The following CCDC187 variants were observed in gnomAD, a reference collection of about 807,000 sequenced individuals.
The protein encoded by CCDC187 is coiled-coil domain-containing protein 187.
CCDC187 carries 32 observed loss-of-function variants against 38.0 expected under a neutral mutation model. The ratio of observed to expected loss-of-function variants is 0.84; its 90% CI spans 0.64 to 1.13. CCDC187 has a LOEUF of 1.13. CCDC187 is among the 50% of genes most tolerant of loss of function. The pLI is 0.00. For synonymous variants in CCDC187, 333 were observed against 347.9 expected (o/e 0.96, Z 0.48); for missense variants, 707 against 786.8 (o/e 0.90, Z 1.21).
chr9:136,267,359 G>T (rs1320027747), intron 16 of CCDC187, 25 bp downstream of exon 16: 37 of 984,982 alleles, frequency 3.8e-5, no homozygotes, highest in Non-Finnish European at 4.5e-5. Context: ...GCGGGGCGGG[G>T]CCGGCGCCAG....
rs550595346 is a variant in CCDC187, at chr9:136,255,106, C to T, written c.4722G>A (p.Ala1574=). The part of the protein sequence containing the change: ...PAAPVVPEEA[A]PPILHQGSPL... Reference sequence around the variant, plus strand: ...GACTGCCCTGGTGCAGGATTGGGGGCGCCGCCTCCTCAGGGACCACAGGAG... The same window carrying T: ...GACTGCCCTGGTGCAGGATTGGGGGTGCCGCCTCCTCAGGGACCACAGGAG... Residue 1574 remains alanine (A), a synonymous_variant, in exon 26 of 26, where the codon GCG becomes GCA. Coordinates refer to ENST00000638797, the MANE Select transcript of CCDC187 (RefSeq NM_001378188.1). The T allele has an allele frequency of 4.4e-4, 437 of 985,382 alleles. 1 individual carries two copies. In the African/African-American group the frequency reaches 6.7e-3, roughly 15 times the overall value. 61.0% of individuals were successfully genotyped at this position (985,382 alleles called of 1,614,324 possible).
At chr9:136,284,078 T>C in intron 9 of CCDC187, among the ~76,000 whole-genome samples, 1 of 150,754 alleles carries the variant, frequency 6.6e-6, no homozygotes, top group East Asian at 2.0e-4. Context: ...CTAGGAAGGA[T>C]GGGCAGGGGA....
intron 9 of CCDC187, 117 bp downstream of exon 9, chr9:136,285,396 G>C: frequency 3.1e-6 from 1 of 326,584 alleles, no homozygotes; most frequent in East Asian, 4.5e-5. Flanking sequence ...ACATGGGGGT[G>C]AAGTGAGAGG....
At chr9:136,277,439 G>A (rs1299281509) in intron 10 of CCDC187, among the ~76,000 whole-genome samples, 4 of 99,232 alleles carry the variant, frequency 4.0e-5, no homozygotes, top group Non-Finnish European at 8.8e-5. Flanking sequence ...GGGTGAGTGG[G>A]TGCAGATGGG....
chr9:136,290,840 G>A lies in CCDC187; in HGVS notation c.1773C>T (p.Gly591=), dbSNP rs909296257. 634 of 398,592 alleles carry A rather than the reference G, an allele frequency of 1.6e-3. No homozygotes were observed. The highest frequency in any genetic ancestry group is 3.9e-3 in the Admixed American group (88 of 22,748). The allele number at this position is 398,592 out of a possible 1,614,324, so 24.7% of individuals were successfully genotyped here. Residue 591 remains glycine, a synonymous_variant, in exon 6 of 26, where the codon GGC becomes GGT. Coordinates refer to ENST00000638797, the MANE Select transcript of CCDC187 (RefSeq NM_001378188.1). ...AGPQGKGRGI[G]SPVSAAKHAL... ...CATGCTTGGCAGCCGAGACGGGGGA[G>A]CCGATGCCTCTGCCCTTGCCCTGGG...
At chr9:136,286,947 C>A (rs878987755) in intron 7 of CCDC187, among the ~76,000 whole-genome samples, 3 of 152,088 alleles carry the variant, frequency 2.0e-5, no homozygotes, top group African/African-American at 7.2e-5. Flanking sequence ...GGTGTAAAAC[C>A]GTCCTGCTGT....
intron 4 of CCDC187, among the ~76,000 whole-genome samples, chr9:136,296,892 C>T (rs1831548415): frequency 1.3e-5 from 2 of 152,192 alleles, no homozygotes; most frequent in Non-Finnish European, 2.9e-5. Context: ...GTAATGCAAG[C>T]ACATGGCTGA....
upstream of CCDC187, among the ~76,000 whole-genome samples, chr9:136,306,213 C>G (rs1831802335): frequency 6.6e-6 from 1 of 152,208 alleles, no homozygotes; most frequent in African/African-American, 2.4e-5. Context: ...GCCCTGCAGC[C>G]AGGCCCAGCC....
chr9:136,299,267 G>A (rs1207974104), intron 3 of CCDC187, among the ~76,000 whole-genome samples: 2 of 152,162 alleles, frequency 1.3e-5, no homozygotes, highest in Non-Finnish European at 2.9e-5. Context: ...GCCCACATCT[G>A]CACTGGCTCA....
rs553305730 is a variant in CCDC187 at position 136,253,252 on chromosome 9, C to G, written c.*342G>C. ...CTGCGCTCCTTCCCAGGGCTCTCCC[C>G]GACTGCCCAAGACCTCCTCAAAGGC... On this transcript the variant is annotated 3_prime_UTR_variant, in exon 26 of 26. Transcript: ENST00000638797. 1 of 152,740 alleles carries G rather than the reference C, an allele frequency of 6.5e-6. No homozygotes were observed. Among genetic ancestry groups the G allele is most frequent in the Non-Finnish European group, 1.5e-5 (1 of 68,514 alleles). The allele number at this position is 152,740 out of a possible 1,614,324, so 9.5% of individuals were successfully genotyped here.
At chr9:136,273,407 A>G (rs1554762686) in intron 14 of CCDC187, among the ~76,000 whole-genome samples, 1 of 152,230 alleles carries the variant, frequency 6.6e-6, no homozygotes, top group Non-Finnish European at 1.5e-5. Context: ...GAAGCGAAGG[A>G]TACTGCTGCG....
At position 136,302,907 on chromosome 9, in the gene CCDC187, G is replaced by A. The variant is rs985352497; in HGVS notation, c.530C>T (p.Pro177Leu). The A allele has an allele frequency of 5.5e-5, 22 of 398,580 alleles. No individual in the cohort carries two copies. Among genetic ancestry groups the A allele is most frequent in the Non-Finnish European group, 9.3e-5 (21 of 226,120 alleles). 24.7% of individuals were successfully genotyped at this position (398,580 alleles called of 1,614,324 possible). A position where few individuals can be genotyped will look rare whatever the true frequency, so the allele number is the denominator to read the frequency against. The change falls in exon 2 of 26, where the codon CCC becomes CTC. Residue 177 changes from proline (P) to leucine (L), a missense_variant. Pro to Leu is a moderately conservative substitution (Grantham distance 98). Coordinates refer to ENST00000638797, the MANE Select transcript of CCDC187 (RefSeq NM_001378188.1). Reference sequence around the variant, plus strand: ...TTTGTGGAGTCTGGAGGCGCTGGAGGGGGCTGAGGTGCCCAGGGACGCACA... The same window carrying A: ...TTTGTGGAGTCTGGAGGCGCTGGAGAGGGCTGAGGTGCCCAGGGACGCACA... ...GSCASLGTSAPSSASRLHKAS... is the reference protein window; with the variant it reads ...GSCASLGTSALSSASRLHKAS...
In CCDC187 at chr9:136,291,094, C is replaced by T. The variant is rs1831316608; in HGVS notation, c.1519G>A (p.Ala507Thr). The T allele has an allele frequency of 2.5e-6, 1 of 398,346 alleles. No homozygotes were observed. The highest frequency in any genetic ancestry group is 4.4e-6 in the Non-Finnish European group (1 of 226,030). The allele number at this position is 398,346 out of a possible 1,614,324, so 24.7% of individuals were successfully genotyped here. A position where few individuals can be genotyped will look rare whatever the true frequency, so the allele number is the denominator to read the frequency against. ...QACSPQRAWG[A>T]QRQGPSSQRP... is the part of the protein sequence containing the mutation. ...TGGGAGGAGGGGCCCTGTCTTTGGG[C>T]CCCCCAGGCCCTCTGCGGACTGCAG... Residue 507 changes from alanine to threonine, a missense_variant, in exon 6 of 26, where the codon GCC becomes ACC. By Grantham distance (58) the Ala-to-Thr change is moderately conservative (BLOSUM62 0). Transcript: ENST00000638797.
rs1830691228 is a variant in CCDC187 at position 136,262,479 on chromosome 9, A to G, written c.3913-17T>C. The G allele has an allele frequency of 2.6e-5, 26 of 986,108 alleles. No individual in the cohort carries two copies. Among genetic ancestry groups the G allele is most frequent in the Non-Finnish European group, 3.0e-5 (25 of 830,566 alleles). 61.1% of individuals were successfully genotyped at this position (986,108 alleles called of 1,614,324 possible). The stretch of plus-strand genomic sequence containing the variant: ...GCTGGAACCCTGTAAGAAATGGTGC[A>G]GGAGAGCCTGGCAAGGCCACCTCTG... On this transcript the variant is annotated splice_polypyrimidine_tract_variant and intron_variant, in intron 18 of 25. Transcript: ENST00000638797.
chr9:136,306,865 G>A (rs1371338038), upstream of CCDC187: 2 of 152,294 alleles, frequency 1.3e-5, no homozygotes, highest in Non-Finnish European at 2.9e-5. Flanking sequence ...GACTGGCCCA[G>A]ACATGCGGCT....
chr9:136,266,659 CCT>C (rs1258563745), intron 16 of CCDC187: 5 of 152,242 alleles, frequency 3.3e-5, no homozygotes, highest in African/African-American at 1.2e-4. Context: ...GCCGGTGCGC[CCT>C]GTGTGTTATA....
Position 136,251,384 on chromosome 9 carries a change from G to C in CCDC187, c.*2210C>G, listed in dbSNP as rs1231677276. The C allele has an allele frequency of 3.9e-6, 1 of 259,532 alleles. No individual in the cohort carries two copies. Among genetic ancestry groups the C allele is most frequent in the Admixed American group, 5.0e-5 (1 of 20,096 alleles). 16.1% of individuals were successfully genotyped at this position (259,532 alleles called of 1,614,324 possible). ...AGCCCCCGGCCGTGCGGGCTGCGCA[G>C]AAATGACCTTGGGCCCTTGAGCCGT... On this transcript the variant is annotated 3_prime_UTR_variant, in exon 26 of 26. Coordinates refer to ENST00000638797, the MANE Select transcript of CCDC187 (RefSeq NM_001378188.1).
At chr9:136,301,952 C>G (rs1353863670) in intron 2 of CCDC187, among the ~76,000 whole-genome samples, 2 of 152,016 alleles carry the variant, frequency 1.3e-5, no homozygotes, top group African/African-American at 4.8e-5. Flanking sequence ...TGGCTCACAC[C>G]TATAATCCCA....
rs1830708281 is a variant in CCDC187, at chr9:136,263,765, A to G, written c.3769T>C (p.Phe1257Leu). Residue 1257 changes from phenylalanine (F) to leucine (L), a missense_variant, in exon 18 of 26, where the codon TTC (phenylalanine) becomes CTC (leucine). Physicochemically the swap from Phe to Leu is conservative, Grantham distance 22. Transcript: ENST00000638797. ...AGCAGCTTCCTGTCCCGGTGCCTGA[A>G]CAGCTGCGTGTGTCTCAGGTATTGG... ...EIQYLRHTQL[F>L]RHRDRKLLLQ... is the part of the protein sequence containing the mutation. The G allele has an allele frequency of 1.0e-6, 1 of 985,496 alleles. No individual in the cohort carries two copies. Among genetic ancestry groups the G allele is most frequent in the Non-Finnish European group, 1.2e-6 (1 of 829,950 alleles). The allele number at this position is 985,496 out of a possible 1,614,324, so 61.0% of individuals were successfully genotyped here.
Sources: gnomAD v4.1 joint callset for allele counts (sites outside exome capture counted in the v4.1 genomes callset) on GRCh38, gnomAD v4.1.1 for gene constraint, MANE v1.5 for transcripts, NCBI Gene and HGNC (gene_info 2026-07-23, HGNC 2026-07-21) for gene names.